SMURF2: variants seen among roughly 807,000 people sequenced by gnomAD.
SMURF2 encodes SMAD specific E3 ubiquitin protein ligase 2.
In SMURF2, 48 loss-of-function variants were observed where a neutral mutation model predicts 109.6. That is an observed-to-expected ratio of 0.44 (90% CI 0.35 to 0.56). The LOEUF (loss-of-function observed/expected upper bound fraction) is 0.56, where lower values mean the gene tolerates loss of function less well. Among genes scored for constraint, SMURF2 ranks in the 20% least tolerant of loss-of-function variants. The pLI, the probability that SMURF2 is intolerant of heterozygous loss-of-function variation, is 0.01. For synonymous variants in SMURF2, 288 were observed against 317.1 expected, an observed-to-expected ratio of 0.91 and a Z score of 0.97; for missense variants, 575 against 909.0, an observed-to-expected ratio of 0.63 and a Z score of 4.72.
At chr17:64,546,100 A>G (rs574742689) in intron 18 of SMURF2, among the ~76,000 whole-genome samples, 153 bp from the exon 19 acceptor site, 2 of 152,340 alleles carry the variant, frequency 1.3e-5, no homozygotes, top group East Asian at 3.9e-4. Flanking sequence ...GGGTTTTCCT[A>G]CCAATTTCCG....
At chr17:64,619,478 CA>C (rs552413988) in intron 1 of SMURF2, among the ~76,000 whole-genome samples, 341 of 34,910 alleles carry the variant, frequency 9.8e-3, no homozygotes, top group African/African-American at 0.023. Context: ...ACTCTTGTCT[CA>C]AAAAAAAAAA....
chr17:64,601,817 G>A (rs1385307791), intron 2 of SMURF2, among the ~76,000 whole-genome samples: 1 of 151,316 alleles, frequency 6.6e-6, no homozygotes, highest in Non-Finnish European at 1.5e-5. Flanking sequence ...ATCAATCAAC[G>A]AGTGGGTAAA....
chr17:64,637,709 G>A (rs572857673), intron 1 of SMURF2, among the ~76,000 whole-genome samples: 4 of 151,880 alleles, frequency 2.6e-5, no homozygotes, highest in East Asian at 1.9e-4. Context: ...GACTACAGTC[G>A]TGTGCCACCA....
chr17:64,579,367 C>T (rs1230950858), intron 8 of SMURF2, among the ~76,000 whole-genome samples: 3 of 151,718 alleles, frequency 2.0e-5, no homozygotes, highest in Non-Finnish European at 4.4e-5. Flanking sequence ...AAAACTATTA[C>T]TAATATTTAT....
chr17:64,632,414 T>G (rs1375147491), intron 1 of SMURF2, among the ~76,000 whole-genome samples: 2 of 152,200 alleles, frequency 1.3e-5, no homozygotes, highest in African/African-American at 4.8e-5. Flanking sequence ...TAACTGACCA[T>G]GCCCCTACAC....
rs782267738 is a variant in SMURF2, at chr17:64,547,562, C to G, written c.2071+38G>C. 9.4e-6 allele frequency: 15 copies of G among 1,593,040 alleles called. No individual in the cohort carries two copies. Among genetic ancestry groups the G allele is most frequent in the South Asian group, 7.7e-5 (7 of 90,704 alleles). On this transcript the variant is annotated intron_variant, in intron 17 of 18. Transcript: ENST00000262435. This position sits in a 1 kb window ranked among gnomAD's most constrained non-coding sequence, Gnocchi z 4.2. ...GACCCCACGCTGACAGCCCCGCCCC[C>G]ACCCGCTGCCCAGCTTGCCTGCACC... is the stretch of plus-strand genomic sequence containing the variant.
chr17:64,584,515 C>G (rs1167299758), intron 6 of SMURF2, among the ~76,000 whole-genome samples: 2 of 151,576 alleles, frequency 1.3e-5, no homozygotes, highest in Non-Finnish European at 2.9e-5. Context: ...CACACCACCA[C>G]GCCTGGCTAC....
chr17:64,647,607 G>T (rs1555693079), intron 1 of SMURF2, among the ~76,000 whole-genome samples: 1 of 151,812 alleles, frequency 6.6e-6, no homozygotes, highest in African/African-American at 2.4e-5. Flanking sequence ...CTTGAACCCA[G>T]GAGGGGGAGG....
chr17:64,621,878 AAAATAAATAAATAAAT>A (rs782177558), intron 1 of SMURF2, among the ~76,000 whole-genome samples: 1 of 144,748 alleles, frequency 6.9e-6, no homozygotes. Flanking sequence ...ACTCTCTCTC[AAAATAAATAAATAAAT>A]AAATAAATAA....
intron 15 of SMURF2, among the ~76,000 whole-genome samples, chr17:64,554,448 G>A (rs1969090669): frequency 6.6e-6 from 1 of 152,194 alleles, no homozygotes; most frequent in Non-Finnish European, 1.5e-5. Flanking sequence ...GGGAGAGGGA[G>A]TGGTCATGGA....
chr17:64,585,675 C>A lies in SMURF2; in HGVS notation c.485+411G>T, dbSNP rs1204486100. 5.3e-5 allele frequency among the ~76,000 whole-genome samples: 8 copies of A among 152,166 alleles called. No individual in the cohort carries two copies. In the East Asian group the frequency reaches 5.8e-4, roughly 11 times the overall value. ...TATAACAGTATCTGCCATATACATG[C>A]TCAATGAAATCTTACTATGTTATTT... On this transcript the variant is annotated intron_variant, in intron 6 of 18. Transcript: ENST00000262435.
intron 12 of SMURF2, among the ~76,000 whole-genome samples, chr17:64,558,277 T>C (rs1555684213): frequency 6.6e-6 from 1 of 152,024 alleles, no homozygotes; most frequent in Non-Finnish European, 1.5e-5. Flanking sequence ...CAAGTGCCTA[T>C]AGTCCCAGCT....
intron 2 of SMURF2, among the ~76,000 whole-genome samples, chr17:64,605,539 A>G (rs1322739036): frequency 3.3e-5 from 5 of 151,496 alleles, no homozygotes; most frequent in Admixed American, 3.3e-4. Flanking sequence ...CCTGGGCAAC[A>G]TAGCAAGATC....
chr17:64,546,133 C>G (rs1425834339), intron 18 of SMURF2, 130 bp downstream of exon 18: 1 of 989,246 alleles, frequency 1.0e-6, no homozygotes, highest in African/African-American at 1.6e-5. Context: ...TTTTAAATCA[C>G]TTAAGTTGCT....
At chr17:64,589,006 GTT>G (rs1969711463) in intron 5 of SMURF2, among the ~76,000 whole-genome samples, 1 of 152,038 alleles carries the variant, frequency 6.6e-6, no homozygotes, top group Admixed American at 6.6e-5. Flanking sequence ...ACAATTATTT[GTT>G]AGAGGGCTCA....
At chr17:64,596,056 A>G (rs1555688065) in intron 3 of SMURF2, among the ~76,000 whole-genome samples, 2 of 152,082 alleles carry the variant, frequency 1.3e-5, no homozygotes, top group Non-Finnish European at 2.9e-5. Flanking sequence ...TTTTCTTAAC[A>G]TAAAATGAGA....
At chr17:64,563,030 T>A in intron 10 of SMURF2, 64 bp from the exon 11 acceptor site, 1 of 1,337,906 alleles carries the variant, frequency 7.5e-7, no homozygotes, top group Non-Finnish European at 1.0e-6. Context: ...AATTATAGAT[T>A]TAAAATAGCA....
At chr17:64,546,020 T>TATAG (rs1968949488) in intron 18 of SMURF2, 73 bp from the exon 19 acceptor site, 1 of 980,176 alleles carries the variant, frequency 1.0e-6, no homozygotes, top group Admixed American at 1.8e-5. Flanking sequence ...TGTATACCAG[T>TATAG]ATAGCCACAT....
intron 9 of SMURF2, among the ~76,000 whole-genome samples, chr17:64,573,482 A>C (rs1969445170): frequency 6.6e-6 from 1 of 152,124 alleles, no homozygotes; most frequent in South Asian, 2.1e-4. Flanking sequence ...AATCATTCTG[A>C]CTTCTGCTAT....
Sources: allele counts gnomAD v4.1 joint callset (sites outside exome capture counted in the v4.1 genomes callset), GRCh38; gene constraint gnomAD v4.1.1; non-coding constraint Gnocchi (gnomAD v3.1); transcripts MANE v1.5; gene names NCBI Gene and HGNC (gene_info 2026-07-23, HGNC 2026-07-21).